Variants in GDPD4 observed in about 807,000 individuals in gnomAD.
The protein encoded by GDPD4 is glycerophosphodiester phosphodiesterase 6.
In GDPD4, 60 loss-of-function variants were observed where a neutral mutation model predicts 67.8. The observed-to-expected ratio is 0.88, with a 90% CI of 0.72 to 1.10. The LOEUF is 1.10. Ranked by LOEUF, GDPD4 falls within the 50% of genes least tolerant of loss-of-function variation. The probability of loss-of-function intolerance (pLI) is 0.00; values close to 1 mark genes in which losing one functional copy is unlikely to be tolerated. For missense variants in GDPD4, 623 were observed against 613.9 expected (o/e 1.01, Z -0.16); for synonymous variants, 212 against 210.9 (o/e 1.00, Z -0.04).
chr11:77,288,932 G>A (rs1901820), intron 1 of GDPD4, among the ~76,000 whole-genome samples: 9 of 150,608 alleles, frequency 6.0e-5, no homozygotes, highest in South Asian at 2.1e-4. Context: ...TTCAAAATCC[G>A]AATGAGATAA....
At chr11:77,243,556 AAAAG>A in intron 13 of GDPD4, 134 bp downstream of exon 13, 2 of 739,870 alleles carry the variant, frequency 2.7e-6, no homozygotes, top group South Asian at 1.7e-5. Flanking sequence ...AGGGGTAGGA[AAAAG>A]AAAGGAGATT....
At chr11:77,224,939 C>CT (rs200235129) in intron 16 of GDPD4, among the ~76,000 whole-genome samples, 77 of 143,388 alleles carry the variant, frequency 5.4e-4, no homozygotes, top group South Asian at 6.7e-4. Flanking sequence ...CCATCTCTAC[C>CT]TTTTTTTTTT....
intron 14 of GDPD4, among the ~76,000 whole-genome samples, chr11:77,231,883 T>C (rs997863330): frequency 6.6e-6 from 1 of 152,190 alleles, no homozygotes; most frequent in Non-Finnish European, 1.5e-5. Flanking sequence ...AAAGCTCCCT[T>C]CAGGGTCATC....
chr11:77,272,477 A>G (rs1028050495), intron 5 of GDPD4, among the ~76,000 whole-genome samples: 9 of 152,272 alleles, frequency 5.9e-5, no homozygotes, highest in Admixed American at 2.6e-4. Flanking sequence ...GAACAGATAA[A>G]AGATTTTCCA....
intron 3 of GDPD4, among the ~76,000 whole-genome samples, chr11:77,284,838 C>T (rs1250782174): frequency 2.6e-5 from 4 of 152,166 alleles, no homozygotes; most frequent in Admixed American, 6.5e-5. Flanking sequence ...AGCATGAAAG[C>T]TTCCTACTGA....
rs1959216770 is a variant in GDPD4 at position 77,271,144 on chromosome 11, C to A, written c.386G>T (p.Cys129Phe). 1 of 1,610,360 alleles carries A rather than the reference C, an allele frequency of 6.2e-7. No individual in the cohort carries two copies. The highest frequency in any genetic ancestry group is 8.5e-7 in the Non-Finnish European group (1 of 1,177,600). The change falls in exon 7 of 17, where the codon TGT (cysteine) becomes TTT (phenylalanine). Residue 129 changes from cysteine to phenylalanine, a missense_variant. Cys to Phe is a radical substitution (Grantham distance 205). Coordinates refer to ENST00000315938, the MANE Select transcript of GDPD4 (RefSeq NM_182833.3). ...ATGTGACATACCTTCTCTTTCCAAA[C>A]ATGCCACGTAGAAGGCCACAGGCCA... ...LFWPVAFYVA[C>F]LEREVRMRRY...
chr11:77,227,839 G>A (rs374128378), intron 16 of GDPD4, 25 bp downstream of exon 16: 1 of 1,584,100 alleles, frequency 6.3e-7, no homozygotes, highest in African/African-American at 1.3e-5. Context: ...GAAGAGACAG[G>A]AGTGGGCTAG....
At chr11:77,217,716 T>A (rs1158237137) in intron 16 of GDPD4, among the ~76,000 whole-genome samples, 1 of 152,194 alleles carries the variant, frequency 6.6e-6, no homozygotes, top group Non-Finnish European at 1.5e-5. Flanking sequence ...GAAGTGTTTG[T>A]CACACAGTAA....
chr11:77,270,460 G>A (rs1222019353), intron 7 of GDPD4, among the ~76,000 whole-genome samples: 1 of 152,232 alleles, frequency 6.6e-6, no homozygotes, highest in Non-Finnish European at 1.5e-5. Context: ...GCTCACGCCT[G>A]TAATCCCAGC....
At chr11:77,286,395 C>T (rs1294778427) in intron 2 of GDPD4, among the ~76,000 whole-genome samples, 1 of 152,170 alleles carries the variant, frequency 6.6e-6, no homozygotes, top group African/African-American at 2.4e-5. Flanking sequence ...GCCTGAAGCA[C>T]TTGTATTATC....
intron 11 of GDPD4, among the ~76,000 whole-genome samples, chr11:77,256,837 G>A (rs759702802): frequency 2.6e-5 from 4 of 152,146 alleles, no homozygotes; most frequent in Non-Finnish European, 4.4e-5. Flanking sequence ...ACCAGAAGCC[G>A]AGCAGATGCT....
At chr11:77,268,290 G>A (rs571263832) in intron 10 of GDPD4, among the ~76,000 whole-genome samples, 167 bp downstream of exon 10, 6 of 152,038 alleles carry the variant, frequency 3.9e-5, no homozygotes, top group African/African-American at 7.2e-5. Flanking sequence ...GCAGAGGTGC[G>A]GTTTGTGAGA....
intron 1 of GDPD4, among the ~76,000 whole-genome samples, chr11:77,295,980 G>A (rs913779585): frequency 4.6e-5 from 7 of 151,990 alleles, no homozygotes; most frequent in South Asian, 2.1e-4. Flanking sequence ...GGCCAGGCGC[G>A]GTGGCTCACG....
chr11:77,259,199 C>T (rs1366850317), intron 10 of GDPD4, among the ~76,000 whole-genome samples: 1 of 152,068 alleles, frequency 6.6e-6, no homozygotes, highest in African/African-American at 2.4e-5. Flanking sequence ...AGGCTGGTCT[C>T]GAACTCCTGG....
intron 11 of GDPD4, among the ~76,000 whole-genome samples, chr11:77,251,695 C>A (rs1425140113): frequency 6.6e-6 from 1 of 152,132 alleles, no homozygotes; most frequent in Admixed American, 6.6e-5. Context: ...GGGATTGAAT[C>A]TATTTGGGAA....
chr11:77,226,268 C>T (rs962732899), intron 16 of GDPD4, among the ~76,000 whole-genome samples: 1 of 152,050 alleles, frequency 6.6e-6, no homozygotes, highest in African/African-American at 2.4e-5. Context: ...TGAATTATGT[C>T]CCCCCAACTC....
At chr11:77,266,198 G>A (rs1156909796) in intron 10 of GDPD4, among the ~76,000 whole-genome samples, 1 of 152,130 alleles carries the variant, frequency 6.6e-6, no homozygotes, top group African/African-American at 2.4e-5. Context: ...TTTCTGGGGT[G>A]TATGGTAAGT....
At chr11:77,234,038 T>C (rs1413977093) in intron 13 of GDPD4, among the ~76,000 whole-genome samples, 5 of 152,160 alleles carry the variant, frequency 3.3e-5, no homozygotes, top group East Asian at 1.9e-4. Flanking sequence ...AAACATACCA[T>C]GTAAATGCCT....
chr11:77,283,485 A>T (rs1349709784), intron 3 of GDPD4, among the ~76,000 whole-genome samples: 2 of 152,172 alleles, frequency 1.3e-5, no homozygotes, highest in South Asian at 4.1e-4. Context: ...TCAACTATGG[A>T]TCTCAGAGCT....
Sources: allele counts gnomAD v4.1 joint callset (sites outside exome capture counted in the v4.1 genomes callset), GRCh38; gene constraint gnomAD v4.1.1; transcripts MANE v1.5; gene names NCBI Gene and HGNC (gene_info 2026-07-23, HGNC 2026-07-21).